CNOT10: variants seen among roughly 807,000 people sequenced by gnomAD.
CNOT10 encodes the protein CCR4-NOT transcription complex, subunit 10.
A neutral mutation model predicts 94.6 loss-of-function variants in CNOT10; 30 were observed. The ratio of observed to expected loss-of-function variants is 0.32; its 90% CI spans 0.24 to 0.43. CNOT10 has a LOEUF of 0.43. CNOT10 is among the 20% of genes least tolerant of loss of function. The pLI is 1.00. For missense variants in CNOT10, 759 were observed against 877.2 expected, an observed-to-expected ratio of 0.87 and a Z score of 1.70; for synonymous variants, 289 against 301.6, an observed-to-expected ratio of 0.96 and a Z score of 0.43.
chr3:32,721,822 A>AT (rs1296445368), intron 8 of CNOT10, among the ~76,000 whole-genome samples: 1,838 of 140,680 alleles, frequency 0.013, 44 homozygotes, highest in African/African-American at 0.044. Flanking sequence ...AATTTTTTGT[A>AT]TTTTTTTTTT....
intron 13 of CNOT10, among the ~76,000 whole-genome samples, chr3:32,739,609 A>G (rs1376995905): frequency 6.7e-6 from 1 of 148,222 alleles, no homozygotes. Flanking sequence ...CAACATGGTG[A>G]GACCCTGTCT....
chr3:32,697,644 C>G (rs1019583496), intron 1 of CNOT10, among the ~76,000 whole-genome samples: 5 of 151,810 alleles, frequency 3.3e-5, no homozygotes. Flanking sequence ...CTAATTAAAA[C>G]AATTTTTTAA....
At position 32,704,838 on chromosome 3, in the gene CNOT10, C is replaced by T; in HGVS notation, c.145C>T (p.His49Tyr). The part of the protein sequence containing the change: ...TSGNYDACLQ[H>Y]LACLQDINKD... Reference sequence around the variant, plus strand: ...TGGAAATTATGATGCCTGTCTACAACACCTTGCCTGTCTACAAGATATAAA... The same window carrying T: ...TGGAAATTATGATGCCTGTCTACAATACCTTGCCTGTCTACAAGATATAAA... Residue 49 changes from histidine (H) to tyrosine (Y), a missense_variant, in exon 3 of 19, where the codon CAC (histidine) becomes TAC (tyrosine). His to Tyr is a moderately conservative substitution (Grantham distance 83). Around this residue, in one of 3 missense-constraint regions of CNOT10, gnomAD observed 682 missense variants for 799.4 expected, o/e 0.85. Coordinates refer to ENST00000328834, the MANE Select transcript of CNOT10 (RefSeq NM_015442.3). The T allele has an allele frequency of 1.3e-6, 2 of 1,565,076 alleles. No homozygotes were observed. Among genetic ancestry groups the T allele is most frequent in the South Asian group, 1.2e-5 (1 of 81,606 alleles).
In CNOT10 at chr3:32,708,799, T is replaced by C. The variant is rs1375716318; in HGVS notation, c.409T>C (p.Tyr137His). ...AGCCATATCAGTTGGTGAAAAACTTTATCAGTTCATAGAGCCTTTTGGTAT... is the reference window on the plus strand; with the variant it reads ...AGCCATATCAGTTGGTGAAAAACTTCATCAGTTCATAGAGCCTTTTGGTAT... ...TEAISVGEKL[Y>H]QFIEPFEEKF... Residue 137 changes from tyrosine to histidine, a missense_variant, in exon 4 of 19, where the codon TAT becomes CAT. This residue lies in a region of CNOT10 where 682 missense variants were observed against 799.4 expected (regional missense o/e 0.85). Transcript: ENST00000328834. 2.5e-6 allele frequency: 4 copies of C among 1,612,292 alleles called. No homozygotes were observed. The highest frequency in any genetic ancestry group is 2.2e-5 in the East Asian group (1 of 44,796).
At chr3:32,749,110 A>G (rs774545095) in intron 13 of CNOT10, among the ~76,000 whole-genome samples, 1 of 151,484 alleles carries the variant, frequency 6.6e-6, no homozygotes, top group Non-Finnish European at 1.5e-5. Context: ...GCATGAGCCA[A>G]CGCATCCGGC....
chr3:32,708,681 T>C lies in CNOT10; in HGVS notation c.291T>C (p.Ala97=), dbSNP rs1255762788. Residue 97 remains alanine (A), a synonymous_variant, in exon 4 of 19, where the codon GCT becomes GCC. Transcript: ENST00000328834. The part of the protein sequence containing the change: ...LNQLKNQVHS[A]VEEMDGLDDV... ...TGATTGCTTTATAGGTCCACTCAGCTGTTGAAGAAATGGATGGATTAGATG... is the reference window on the plus strand; with the variant it reads ...TGATTGCTTTATAGGTCCACTCAGCCGTTGAAGAAATGGATGGATTAGATG... 6.2e-7 allele frequency: 1 copy of C among 1,611,288 alleles called. No homozygotes were observed. The highest frequency in any genetic ancestry group is 8.5e-7 in the Non-Finnish European group (1 of 1,179,332).
rs1701009405 is a variant in CNOT10, at chr3:32,773,769, A to AT, written c.*161dup. 1 of 656,794 alleles carries AT rather than the reference A, an allele frequency of 1.5e-6. No homozygotes were observed. Among genetic ancestry groups the AT allele is most frequent in the Non-Finnish European group, 2.4e-6 (1 of 415,332 alleles). The allele number at this position is 656,794 out of a possible 1,614,324, so 40.7% of individuals were successfully genotyped here. A position where few individuals can be genotyped will look rare whatever the true frequency, so the allele number is the denominator to read the frequency against. On this transcript the variant is annotated 3_prime_UTR_variant, in exon 19 of 19. Coordinates refer to ENST00000328834, the MANE Select transcript of CNOT10 (RefSeq NM_015442.3). Reference sequence around the variant, plus strand: ...GCCAAAAGCTTACTTAAAATTAAGGATTTACTAAGTCATCATCAGCTGTTT... The same window carrying AT: ...GCCAAAAGCTTACTTAAAATTAAGGATTTTACTAAGTCATCATCAGCTGTTT...
At chr3:32,769,837 G>A (rs755316471) in intron 17 of CNOT10, 50 bp from the exon 18 acceptor site, 3 of 1,418,670 alleles carry the variant, frequency 2.1e-6, no homozygotes, top group Admixed American at 1.7e-5. Context: ...CTTGGAGTGT[G>A]TATCTTAAGC....
chr3:32,713,625 A>G (rs758487699), intron 5 of CNOT10, among the ~76,000 whole-genome samples: 5 of 152,190 alleles, frequency 3.3e-5, no homozygotes, highest in African/African-American at 1.2e-4. Context: ...TCACCCCAAA[A>G]AGAAACCCTG....
chr3:32,702,198 CA>C (rs1217121289), intron 1 of CNOT10, among the ~76,000 whole-genome samples: 2 of 151,634 alleles, frequency 1.3e-5, no homozygotes, highest in Non-Finnish European at 2.9e-5. Flanking sequence ...CAGGTTCAAG[CA>C]ATTCTCGTGC....
chr3:32,734,737 A>T, intron 11 of CNOT10, 63 bp from the exon 12 acceptor site: 1 of 1,328,842 alleles, frequency 7.5e-7, no homozygotes, highest in Non-Finnish European at 1.0e-6. Context: ...TATTCCTCAT[A>T]ATAAAAGAGC....
chr3:32,711,837 G>A (rs1057364786), intron 4 of CNOT10, among the ~76,000 whole-genome samples: 6 of 152,268 alleles, frequency 3.9e-5, no homozygotes, highest in Middle Eastern at 3.4e-3. Context: ...GGGCAGAAGA[G>A]GTAAAGCCTA....
At chr3:32,708,011 G>A (rs558415531) in intron 3 of CNOT10, among the ~76,000 whole-genome samples, 59 of 152,076 alleles carry the variant, frequency 3.9e-4, no homozygotes, top group African/African-American at 1.3e-3. Context: ...TCAGCCTCCC[G>A]AGTAGCTGGG....
intron 13 of CNOT10, among the ~76,000 whole-genome samples, chr3:32,758,565 A>G (rs759345337): frequency 6.6e-6 from 1 of 152,224 alleles, no homozygotes; most frequent in South Asian, 2.1e-4. Context: ...TTAATGATAC[A>G]TATGTGTATT....
At chr3:32,711,463 T>C (rs899267150) in intron 4 of CNOT10, among the ~76,000 whole-genome samples, 1 of 152,156 alleles carries the variant, frequency 6.6e-6, no homozygotes, top group Non-Finnish European at 1.5e-5. Context: ...TTTTTTTTCT[T>C]CTAACATTTT....
chr3:32,742,923 AT>A lies in CNOT10; in HGVS notation c.1595+5436del, dbSNP rs567533399. Among the ~76,000 whole-genome samples, 245 of 151,826 alleles carry A rather than the reference AT, an allele frequency of 1.6e-3. 1 individual carries two copies. The highest frequency in any genetic ancestry group is 5.8e-3 in the African/African-American group (238 of 41,342). Reference sequence around the variant, plus strand: ...AAAGGGAATCCTTAATGAAGAAGACATTTGAAACAGTTTTTCAAACTTGATT... The same window carrying A: ...AAAGGGAATCCTTAATGAAGAAGACATTGAAACAGTTTTTCAAACTTGATT... On this transcript the variant is annotated intron_variant, in intron 13 of 18. Coordinates refer to ENST00000328834, the MANE Select transcript of CNOT10 (RefSeq NM_015442.3).
chr3:32,766,918 T>C (rs1234946152), intron 17 of CNOT10, among the ~76,000 whole-genome samples: 2 of 152,134 alleles, frequency 1.3e-5, no homozygotes, highest in African/African-American at 2.4e-5. Flanking sequence ...AAATTAGAAA[T>C]AGTTCCTCAA....
intron 10 of CNOT10, among the ~76,000 whole-genome samples, chr3:32,730,357 C>G (rs1698886885): frequency 6.6e-6 from 1 of 152,014 alleles, no homozygotes; most frequent in Non-Finnish European, 1.5e-5. Flanking sequence ...TAAGTATTTT[C>G]CATATTAATA....
At chr3:32,697,970 A>G (rs756249606) in intron 1 of CNOT10, among the ~76,000 whole-genome samples, 6 of 152,200 alleles carry the variant, frequency 3.9e-5, no homozygotes, top group Non-Finnish European at 7.3e-5. Flanking sequence ...CAATATGTGG[A>G]TTGAGGATCC....
Sources: gnomAD v4.1 joint callset for allele counts (sites outside exome capture counted in the v4.1 genomes callset) on GRCh38, gnomAD v4.1.1 for gene constraint, gnomAD v4.1.1 regional missense constraint, MANE v1.5 for transcripts, NCBI Gene and HGNC (gene_info 2026-07-23, HGNC 2026-07-21) for gene names.